DUSP5: variants seen among roughly 807,000 people sequenced by gnomAD.
The protein encoded by DUSP5 is dual specificity phosphatase 5.
In DUSP5, 22 loss-of-function variants were observed where a neutral mutation model predicts 33.6. The observed-to-expected ratio is 0.66, with a 90% CI of 0.47 to 0.94. DUSP5 has a LOEUF of 0.94. Among genes scored for constraint, DUSP5 ranks in the 40% least tolerant of loss-of-function variants. DUSP5 has a pLI of 0.00. For synonymous variants in DUSP5, 270 were observed against 231.1 expected (o/e 1.17, Z -1.53); for missense variants, 551 against 522.1 (o/e 1.06, Z -0.54).
In DUSP5 at chr10:110,510,376, A is replaced by C. The variant is rs142629528; in HGVS notation, c.1105A>C (p.Thr369Pro). 2.1e-5 allele frequency: 34 copies of C among 1,612,174 alleles called. No individual in the cohort carries two copies. In the Admixed American group the frequency reaches 5.7e-4, roughly 27 times the overall value. ...GCTGGCACCGGTGCCTACCCACTCA[A>C]CAGTCTCAGAGCTCAGCAGAAGCCC... ...SVLAPVPTHS[T>P]VSELSRSPVA... is the part of the protein sequence containing the mutation. The change falls in exon 4 of 4, where the codon ACA becomes CCA. Residue 369 changes from threonine (T) to proline (P), a missense_variant. Thr to Pro is a conservative substitution (Grantham distance 38, BLOSUM62 -1). This residue lies in a region of DUSP5 where 158 missense variants were observed against 181.8 expected (regional missense o/e 0.87). Transcript: ENST00000369583.
intron 1 of DUSP5, among the ~76,000 whole-genome samples, chr10:110,502,122 T>C (rs573997759): frequency 6.6e-6 from 1 of 151,718 alleles, no homozygotes; most frequent in Admixed American, 6.6e-5. Flanking sequence ...GGTAATTAAC[T>C]GGATTGATGA....
Position 110,510,174 on chromosome 10 carries a change from G to A in DUSP5, c.903G>A (p.Ser301=), listed in dbSNP as rs746823964. ...TCAAGCAGAGGAGGAGCATGGTCTC[G>A]CCCAACTTTGGCTTCATGGGCCAGC... ...DYIKQRRSMV[S]PNFGFMGQLL... is the part of the protein sequence containing the mutation. Residue 301 remains serine (S), a synonymous_variant, in exon 4 of 4, where the codon TCG becomes TCA. Coordinates refer to ENST00000369583, the MANE Select transcript of DUSP5 (RefSeq NM_004419.4). 3.1e-6 allele frequency: 5 copies of A among 1,614,168 alleles called. No individual in the cohort carries two copies. The highest frequency in any genetic ancestry group is 2.2e-5 in the East Asian group (1 of 44,868).
At chr10:110,499,204 G>T (rs1041177340) in intron 1 of DUSP5, among the ~76,000 whole-genome samples, 1 of 152,218 alleles carries the variant, frequency 6.6e-6, no homozygotes, top group Admixed American at 6.5e-5. Context: ...GTGCGCGGGG[G>T]CAGGGTGGTA....
At chr10:110,505,059 G>C (rs1860100816) in intron 2 of DUSP5, among the ~76,000 whole-genome samples, 1 of 152,228 alleles carries the variant, frequency 6.6e-6, no homozygotes, top group African/African-American at 2.4e-5. Context: ...ATGGAAGTTT[G>C]GGAGGTTTCG....
At chr10:110,502,223 C>T (rs369278094) in intron 1 of DUSP5, among the ~76,000 whole-genome samples, 2 of 152,064 alleles carry the variant, frequency 1.3e-5, no homozygotes, top group African/African-American at 2.4e-5. Context: ...TGCCCTGAGT[C>T]GAAATGAAAC....
chr10:110,507,096 G>A lies in DUSP5; in HGVS notation c.690G>A (p.Val230=), dbSNP rs1447348879. 5 of 1,614,042 alleles carry A rather than the reference G, an allele frequency of 3.1e-6. No homozygotes were observed. The highest frequency in any genetic ancestry group is 1.7e-6 in the Non-Finnish European group (2 of 1,180,032). Residue 230 remains valine, a synonymous_variant, in exon 3 of 4, where the codon GTG becomes GTA. Transcript: ENST00000369583. ...ATHLHYKWIP[V]EDSHTADISS... ...ACCTACACTACAAATGGATCCCTGT[G>A]GAAGACAGCCACACGGCTGACATTA...
chr10:110,502,698 C>T, intron 1 of DUSP5, 23 bp from the exon 2 acceptor site: 2 of 1,609,802 alleles, frequency 1.2e-6, no homozygotes, highest in South Asian at 2.2e-5. Context: ...CCATCTGTCT[C>T]ACCTTTTTGT....
intron 3 of DUSP5, among the ~76,000 whole-genome samples, chr10:110,508,189 C>A (rs1292645683): frequency 1.3e-5 from 2 of 152,112 alleles, no homozygotes; most frequent in African/African-American, 2.4e-5. Context: ...TCATCAGAGG[C>A]AAAAGGCCGA....
At chr10:110,506,777 A>G (rs1667232721) in intron 2 of DUSP5, among the ~76,000 whole-genome samples, 158 bp from the exon 3 acceptor site, 1 of 152,254 alleles carries the variant, frequency 6.6e-6, no homozygotes, top group Non-Finnish European at 1.5e-5. Flanking sequence ...TGGAGATACA[A>G]CCACACTTGG....
At chr10:110,499,125 C>T (rs971914247) in intron 1 of DUSP5, among the ~76,000 whole-genome samples, 6 of 152,088 alleles carry the variant, frequency 3.9e-5, no homozygotes, top group African/African-American at 1.4e-4. Context: ...CTCCTCCTTC[C>T]TCCGCCCCAG....
rs1416761643 is a variant in DUSP5, at chr10:110,498,150, A to G, written c.29A>G (p.Gln10Arg). The change falls in exon 1 of 4, where the codon CAG (glutamine) becomes CGG (arginine). Residue 10 changes from glutamine to arginine, a missense_variant. Gln to Arg is a conservative substitution (Grantham distance 43). This residue lies in a region of DUSP5 where 381 missense variants were observed against 310.4 expected (regional missense o/e 1.23). Coordinates refer to ENST00000369583, the MANE Select transcript of DUSP5 (RefSeq NM_004419.4). MKVTSLDGR[Q>R]LRKMLRKEAA... ...AAGGTCACGTCGCTCGACGGGCGCC[A>G]GCTGCGCAAGATGCTCCGCAAGGAG... 2 of 1,461,008 alleles carry G rather than the reference A, an allele frequency of 1.4e-6. No homozygotes were observed. Among genetic ancestry groups the G allele is most frequent in the East Asian group, 3.1e-5 (1 of 32,558 alleles). 90.5% of individuals were successfully genotyped at this position (1,461,008 alleles called of 1,614,324 possible).
chr10:110,498,049 G>A lies in DUSP5; in HGVS notation c.-73G>A. ...CCCGTGCCTCGCCCGCGGACACCCT[G>A]GCCGTGGACACCCTGGCCGTGGGCA... On this transcript the variant is annotated 5_prime_UTR_variant, in exon 1 of 4. Coordinates refer to ENST00000369583, the MANE Select transcript of DUSP5 (RefSeq NM_004419.4). 9.3e-7 allele frequency: 1 copy of A among 1,080,582 alleles called. No homozygotes were observed. Among genetic ancestry groups the A allele is most frequent in the Non-Finnish European group, 1.1e-6 (1 of 895,784 alleles). The allele number at this position is 1,080,582 out of a possible 1,614,324, so 66.9% of individuals were successfully genotyped here. A position where few individuals can be genotyped will look rare whatever the true frequency, so the allele number is the denominator to read the frequency against.
rs1860190747 is a variant in DUSP5 at position 110,511,336 on chromosome 10, G to T, written c.*910G>T. Reference sequence around the variant, plus strand: ...GTTTTCCTCCCTGCCCCTGGAGGTTGTCTTCAAGCTGTGGACTTCTGGGAT... The same window carrying T: ...GTTTTCCTCCCTGCCCCTGGAGGTTTTCTTCAAGCTGTGGACTTCTGGGAT... On this transcript the variant is annotated 3_prime_UTR_variant, in exon 4 of 4. Coordinates refer to ENST00000369583, the MANE Select transcript of DUSP5 (RefSeq NM_004419.4). 1 of 152,558 alleles carries T rather than the reference G, an allele frequency of 6.6e-6. No homozygotes were observed. Among genetic ancestry groups the T allele is most frequent in the South Asian group, 2.1e-4 (1 of 4,826 alleles). 9.5% of individuals were successfully genotyped at this position (152,558 alleles called of 1,614,324 possible).
intron 2 of DUSP5, among the ~76,000 whole-genome samples, chr10:110,504,145 T>C (rs1234884061): frequency 6.6e-6 from 1 of 152,256 alleles, no homozygotes; most frequent in East Asian, 1.9e-4. Flanking sequence ...GTTTGGGTTG[T>C]GTTTTCCCCC....
At chr10:110,498,621 C>T (rs1859995547) in intron 1 of DUSP5, 121 bp downstream of exon 1, 9 of 1,276,956 alleles carry the variant, frequency 7.0e-6, no homozygotes, top group African/African-American at 1.6e-5. Flanking sequence ...AGTCTGCACC[C>T]TGTGGCTTGT....
Position 110,497,992 on chromosome 10 carries a change from T to A in DUSP5, c.-130T>A. On this transcript the variant is annotated 5_prime_UTR_variant, in exon 1 of 4. Transcript: ENST00000369583. Reference sequence around the variant, plus strand: ...TTGCGCCGCCGCTCGGGCGCCGGGCTCCGTCGCGGCCGCAGCCCCGCGGGT... The same window carrying A: ...TTGCGCCGCCGCTCGGGCGCCGGGCACCGTCGCGGCCGCAGCCCCGCGGGT... The A allele has an allele frequency of 1.3e-6, 1 of 744,164 alleles. No homozygotes were observed. The highest frequency in any genetic ancestry group is 1.6e-6 in the Non-Finnish European group (1 of 610,508). The allele number at this position is 744,164 out of a possible 1,614,324, so 46.1% of individuals were successfully genotyped here. A position where few individuals can be genotyped will look rare whatever the true frequency, so the allele number is the denominator to read the frequency against.
chr10:110,507,051 C>T lies in DUSP5; in HGVS notation c.645C>T (p.Thr215=). Residue 215 remains threonine (T), a synonymous_variant, in exon 3 of 4, where the codon ACC becomes ACT. Transcript: ENST00000369583. ...CCCTGCTGAATGTCTCCCGACGGAC[C>T]TCCGAGGCCTGCGCGACCCACCTAC... ...ITALLNVSRR[T]SEACATHLHY... 1.2e-6 allele frequency: 2 copies of T among 1,614,262 alleles called. No homozygotes were observed. The highest frequency in any genetic ancestry group is 2.7e-5 in the African/African-American group (2 of 75,078).
chr10:110,498,338 G>A lies in DUSP5; in HGVS notation c.217G>A (p.Ala73Thr), dbSNP rs1195635434. The A allele has an allele frequency of 1.5e-6, 2 of 1,340,778 alleles. No homozygotes were observed. The highest frequency in any genetic ancestry group is 3.0e-5 in the East Asian group (1 of 32,900). 83.1% of individuals were successfully genotyped at this position (1,340,778 alleles called of 1,614,324 possible). The change falls in exon 1 of 4, where the codon GCG (alanine) becomes ACG (threonine). Residue 73 changes from alanine to threonine, a missense_variant. Coordinates refer to ENST00000369583, the MANE Select transcript of DUSP5 (RefSeq NM_004419.4). ...CGTGCTGCCCGACGAGGCGGCGCGC[G>A]CGCGGCTCCTGCAGGAGGGCGGCGG... ...RYVLPDEAAR[A>T]RLLQEGGGGV... is the part of the protein sequence containing the mutation.
chr10:110,498,142 C>T lies in DUSP5; in HGVS notation c.21C>T (p.Asp7=), dbSNP rs1464603119. 7 of 1,449,752 alleles carry T rather than the reference C, an allele frequency of 4.8e-6. No homozygotes were observed. In the Admixed American group the frequency reaches 6.4e-5, roughly 13 times the overall value. 89.8% of individuals were successfully genotyped at this position (1,449,752 alleles called of 1,614,324 possible). ...GCGGCATGAAGGTCACGTCGCTCGA[C>T]GGGCGCCAGCTGCGCAAGATGCTCC... MKVTSL[D]GRQLRKMLRK... The change falls in exon 1 of 4, where the codon GAC becomes GAT. Residue 7 remains aspartate, a synonymous_variant. Coordinates refer to ENST00000369583, the MANE Select transcript of DUSP5 (RefSeq NM_004419.4).
Sources: allele counts gnomAD v4.1 joint callset (sites outside exome capture counted in the v4.1 genomes callset), GRCh38; gene constraint gnomAD v4.1.1; regional missense constraint gnomAD v4.1.1; transcripts MANE v1.5; gene names NCBI Gene and HGNC (gene_info 2026-07-23, HGNC 2026-07-21).